Variants in PCDHA4 observed in about 807,000 individuals in gnomAD.
PCDHA4 encodes protocadherin alpha-4.
In PCDHA4, 49 loss-of-function variants were observed where a neutral mutation model predicts 61.4. The observed-to-expected ratio is 0.80, with a 90% CI of 0.63 to 1.01. The LOEUF (loss-of-function observed/expected upper bound fraction) is 1.01. PCDHA4 is among the 50% of genes least tolerant of loss of function. The pLI is 0.00. For synonymous variants in PCDHA4, 590 were observed against 550.3 expected (o/e 1.07, Z -1.01); for missense variants, 1,254 against 1,235.8 (o/e 1.01, Z -0.22).
intron 3 of PCDHA4, among the ~76,000 whole-genome samples, chr5:140,995,674 AT>A (rs1240189428): frequency 1.3e-5 from 2 of 151,994 alleles, no homozygotes; most frequent in Non-Finnish European, 2.9e-5. Flanking sequence ...TAAATGCAGC[AT>A]TTTTTTTAAT....
At chr5:140,999,526 C>G (rs1429753507) in intron 3 of PCDHA4, among the ~76,000 whole-genome samples, 1 of 152,026 alleles carries the variant, frequency 6.6e-6, no homozygotes, top group Non-Finnish European at 1.5e-5. Context: ...TTTGTTACCC[C>G]CTGGATATGA....
At chr5:140,904,560 T>G (rs2071228381) in intron 1 of PCDHA4, among the ~76,000 whole-genome samples, 1 of 152,102 alleles carries the variant, frequency 6.6e-6, no homozygotes, top group African/African-American at 2.4e-5. Flanking sequence ...AATGACTTTT[T>G]TTTCCTCTGG....
At chr5:140,871,120 C>G (rs1554165154) in intron 1 of PCDHA4, 1 of 1,613,342 alleles carries the variant, frequency 6.2e-7, no homozygotes, top group Non-Finnish European at 8.5e-7. Flanking sequence ...GGAGAGCGGA[C>G]AGGCGCCAAA....
At chr5:140,858,089 G>T in intron 1 of PCDHA4, 2 of 1,597,872 alleles carry the variant, frequency 1.3e-6, no homozygotes, top group East Asian at 2.2e-5. Flanking sequence ...CTCGTCGCGG[G>T]CTTCAGTGGG....
chr5:141,006,689 G>A (rs1249412460), intron 3 of PCDHA4, among the ~76,000 whole-genome samples: 2 of 152,072 alleles, frequency 1.3e-5, no homozygotes, highest in Non-Finnish European at 2.9e-5. Context: ...TGGGAGAAGA[G>A]GACAGAGTCA....
rs1439060369 is a variant in PCDHA4, at chr5:140,850,679, C to T, written c.2385+41107C>T. On this transcript the variant is annotated intron_variant, in intron 1 of 3. Transcript: ENST00000530339. ...TGCTGCGGTGCTCGGCGATGCCCAC[C>T]GAGGGCGAGTGCGCGCCTGGCAAGC... The T allele has an allele frequency of 1.4e-5, 22 of 1,598,378 alleles. 1 individual carries two copies. The highest frequency in any genetic ancestry group is 3.4e-5 in the Admixed American group (2 of 59,276).
chr5:140,877,515 G>T (rs371100299), intron 1 of PCDHA4: 1 of 1,613,678 alleles, frequency 6.2e-7, no homozygotes, highest in African/African-American at 1.3e-5. Flanking sequence ...CGTCGTCGCG[G>T]GCCTCAGTGG....
At chr5:140,966,539 T>C in intron 1 of PCDHA4, 1 of 462,182 alleles carries the variant, frequency 2.2e-6, no homozygotes, top group South Asian at 5.8e-5. Flanking sequence ...GTTGAGCGAC[T>C]CGGAGGCGAG....
At chr5:140,827,939 G>C (rs1769462392) in intron 1 of PCDHA4, 2 of 1,144,136 alleles carry the variant, frequency 1.7e-6, no homozygotes, top group South Asian at 3.1e-5. Flanking sequence ...GTTATAGCTA[G>C]CCAACATTCA....
At position 140,895,904 on chromosome 5, in the gene PCDHA4, C is replaced by A. The variant is rs956599707; in HGVS notation, c.2386-83045C>A. Among the ~76,000 whole-genome samples, 7 of 152,138 alleles carry A rather than the reference C, an allele frequency of 4.6e-5. No homozygotes were observed. In the South Asian group the frequency reaches 1.5e-3, roughly 32 times the overall value. On this transcript the variant is annotated intron_variant, in intron 1 of 3. Transcript: ENST00000530339. ...TCGGCTCACTGCAACCTCCGCGTCC[C>A]GGGCTCAACAATTATCCTGCCTCAG...
chr5:140,856,348 G>A (rs2043945989), intron 1 of PCDHA4: 2 of 1,598,578 alleles, frequency 1.3e-6, no homozygotes, highest in Admixed American at 1.7e-5. Context: ...GGAGCGTGGA[G>A]TGCAGCATCC....
At chr5:140,947,734 C>T (rs2094167568) in intron 1 of PCDHA4, among the ~76,000 whole-genome samples, 1 of 151,286 alleles carries the variant, frequency 6.6e-6, no homozygotes, top group African/African-American at 2.4e-5. Flanking sequence ...TTTTGTAATA[C>T]CTATTCTTAT....
chr5:140,980,036 G>A (rs952735379), intron 2 of PCDHA4, among the ~76,000 whole-genome samples: 9 of 152,294 alleles, frequency 5.9e-5, no homozygotes, highest in Non-Finnish European at 1.0e-4. Flanking sequence ...ATTACATTGG[G>A]TGCTATTTCT....
intron 1 of PCDHA4, chr5:140,822,763 T>A: frequency 6.2e-7 from 1 of 1,614,086 alleles, no homozygotes; most frequent in Non-Finnish European, 8.5e-7. Context: ...ATTCCCATTA[T>A]CAGGACACTG....
At chr5:140,988,571 C>T (rs1438476188) in intron 3 of PCDHA4, among the ~76,000 whole-genome samples, 7 of 152,168 alleles carry the variant, frequency 4.6e-5, no homozygotes, top group Non-Finnish European at 1.0e-4. Flanking sequence ...TGGGAAAACA[C>T]TCTGTACCTT....
intron 1 of PCDHA4, among the ~76,000 whole-genome samples, chr5:140,879,635 G>A (rs190054745): frequency 3.8e-4 from 58 of 152,286 alleles, no homozygotes; most frequent in African/African-American, 1.2e-3. Context: ...TAAGTGTGTC[G>A]CTTCCTGTGG....
chr5:140,960,053 G>A (rs2095524432), intron 1 of PCDHA4, among the ~76,000 whole-genome samples: 3 of 152,156 alleles, frequency 2.0e-5, no homozygotes, highest in Non-Finnish European at 4.4e-5. Flanking sequence ...TTAAAAACAT[G>A]TACAGAAGAT....
In PCDHA4 at chr5:141,010,190, C is replaced by T. The variant is rs868983471; in HGVS notation, c.*253C>T. On this transcript the variant is annotated 3_prime_UTR_variant, in exon 4 of 4. Coordinates refer to ENST00000530339, the MANE Select transcript of PCDHA4 (RefSeq NM_018907.4). ...GAACCTAAAAAGCAGACCCAAGTTT[C>T]CTTTCTCCTCCGCCGCAAAGGAGAG... The T allele has an allele frequency of 6.4e-7, 1 of 1,552,504 alleles. No homozygotes were observed. Among genetic ancestry groups the T allele is most frequent in the Non-Finnish European group, 8.7e-7 (1 of 1,147,234 alleles).
chr5:140,839,760 C>T (rs1554137571), intron 1 of PCDHA4, among the ~76,000 whole-genome samples: 1 of 151,820 alleles, frequency 6.6e-6, no homozygotes, highest in Admixed American at 6.6e-5. Flanking sequence ...CCTATTTAAC[C>T]TACGTTTTTG....
Sources: gnomAD v4.1 joint callset for allele counts (sites outside exome capture counted in the v4.1 genomes callset) on GRCh38, gnomAD v4.1.1 for gene constraint, MANE v1.5 for transcripts, NCBI Gene and HGNC (gene_info 2026-07-23, HGNC 2026-07-21) for gene names.